Variants in KIT observed in about 807,000 individuals in gnomAD.
KIT encodes the protein KIT proto-oncogene, receptor tyrosine kinase.
KIT carries 16 observed loss-of-function variants against 105.7 expected under a neutral mutation model. The ratio of observed to expected loss-of-function variants is 0.15; its 90% CI spans 0.10 to 0.23. The LOEUF (loss-of-function observed/expected upper bound fraction) is 0.23, where lower values mean the gene tolerates loss of function less well. KIT is among the 10% of genes least tolerant of loss of function. The pLI is 1.00. For missense variants in KIT, 858 were observed against 1,213.8 expected (o/e 0.71, Z 4.36); for synonymous variants, 438 against 441.1 (o/e 0.99, Z 0.09).
At chr4:54,685,586 C>T (rs1047104214) in intron 1 of KIT, among the ~76,000 whole-genome samples, 1 of 152,176 alleles carries the variant, frequency 6.6e-6, no homozygotes, top group Admixed American at 6.5e-5. Flanking sequence ...CACTGTCCTT[C>T]ACTGCTCCCA....
chr4:54,663,411 G>A (rs944322085), intron 1 of KIT, among the ~76,000 whole-genome samples: 2 of 152,120 alleles, frequency 1.3e-5, no homozygotes, highest in Non-Finnish European at 2.9e-5. Context: ...ATAGTGCCCC[G>A]CATAGAGGAA....
intron 1 of KIT, among the ~76,000 whole-genome samples, chr4:54,669,697 C>T (rs1487836763): frequency 7.7e-6 from 1 of 129,262 alleles, no homozygotes; most frequent in Admixed American, 8.2e-5. Context: ...GTCCAGGAGT[C>T]CAGAAAGGAA....
chr4:54,714,446 C>G (rs1721340796), intron 7 of KIT, among the ~76,000 whole-genome samples: 1 of 151,866 alleles, frequency 6.6e-6, no homozygotes, highest in Non-Finnish European at 1.5e-5. Flanking sequence ...CTTTTTTCCC[C>G]ACTCCATCTA....
At position 54,733,067 on chromosome 4, in the gene KIT, T is replaced by C. The variant is rs767542887; in HGVS notation, c.2362-3T>C. 6 of 1,610,742 alleles carry C rather than the reference T, an allele frequency of 3.7e-6. No individual in the cohort carries two copies. The African/African-American group carries it at 5.3e-5, about 14-fold the overall frequency. On this transcript the variant is annotated splice_polypyrimidine_tract_variant and splice_region_variant and intron_variant, in intron 16 of 20. Transcript: ENST00000288135. ...GGTTTTCTTTTCTCCTCCAACCTAATAGTGTATTCACAGAGACTTGGCAGC... is the reference window on the plus strand; with the variant it reads ...GGTTTTCTTTTCTCCTCCAACCTAACAGTGTATTCACAGAGACTTGGCAGC...
rs2109660271 is a variant in KIT, at chr4:54,695,512, G to A, written c.68G>A (p.Gly23Asp). 1.2e-6 allele frequency: 2 copies of A among 1,614,090 alleles called. No individual in the cohort carries two copies. The highest frequency in any genetic ancestry group is 1.7e-6 in the Non-Finnish European group (2 of 1,180,000). The change falls in exon 2 of 21, where the codon GGC becomes GAC. Residue 23 changes from glycine (G) to aspartate (D), a missense_variant and splice_region_variant. Physicochemically the swap from Gly to Asp is moderately conservative, Grantham distance 94. Transcript: ENST00000288135. Reference sequence around the variant, plus strand: ...AACACGATTCTGTTTTTCTTGGCAGGCTCTTCTCAACCATCTGTGAGTCCA... The same window carrying A: ...AACACGATTCTGTTTTTCTTGGCAGACTCTTCTCAACCATCTGTGAGTCCA... ...VLLLLLRVQT[G>D]SSQPSVSPGE...
rs761004820 is a variant in KIT, at chr4:54,737,214, A to G, written c.2736A>G (p.Leu912=). The G allele has an allele frequency of 5.6e-6, 9 of 1,613,624 alleles. No homozygotes were observed. Among genetic ancestry groups the G allele is most frequent in the Non-Finnish European group, 7.6e-6 (9 of 1,179,686 alleles). ...IMKTCWDADP[L]KRPTFKQIVQ... ...AGACTTGCTGGGATGCAGATCCCCT[A>G]AAAAGACCAACATTCAAGCAAATTG... Residue 912 remains leucine, a synonymous_variant, in exon 20 of 21, where the codon CTA becomes CTG. Transcript: ENST00000288135.
At chr4:54,706,927 A>T (rs1720826570) in intron 5 of KIT, among the ~76,000 whole-genome samples, 171 bp from the exon 6 acceptor site, 1 of 152,218 alleles carries the variant, frequency 6.6e-6, no homozygotes, top group Non-Finnish European at 1.5e-5. Flanking sequence ...CACTTGTGAC[A>T]GTGATTCTAC....
intron 1 of KIT, among the ~76,000 whole-genome samples, chr4:54,693,936 A>G (rs1269034992): frequency 3.9e-5 from 6 of 152,068 alleles, no homozygotes; most frequent in Non-Finnish European, 7.4e-5. Flanking sequence ...TCCTTACTGT[A>G]GGTTCTCATT....
intron 7 of KIT, among the ~76,000 whole-genome samples, chr4:54,712,533 G>A (rs997639097): frequency 1.3e-5 from 2 of 152,160 alleles, no homozygotes; most frequent in African/African-American, 4.8e-5. Context: ...CCATTTGCCA[G>A]TGTGTGGTCT....
At chr4:54,667,202 C>A (rs1262168319) in intron 1 of KIT, among the ~76,000 whole-genome samples, 1 of 152,206 alleles carries the variant, frequency 6.6e-6, no homozygotes, top group Non-Finnish European at 1.5e-5. Context: ...TCCATCTGTC[C>A]TTTCCCTCTG....
chr4:54,704,012 A>T (rs1720626591), intron 5 of KIT, 120 bp downstream of exon 5: 1 of 894,586 alleles, frequency 1.1e-6, no homozygotes. Flanking sequence ...GTTATCACTG[A>T]ATGAATGAAA....
rs1194103430 is a variant in KIT, at chr4:54,726,270, G to A, written c.1540+220G>A. On this transcript the variant is annotated intron_variant, in intron 9 of 20. Transcript: ENST00000288135. ...CCATGCTACTTTATATATTTTATAT[G>A]TATGTGTGTCTCTATTAGTTGTATA... 2.0e-5 allele frequency among the ~76,000 whole-genome samples: 3 copies of A among 152,218 alleles called. No homozygotes were observed. The East Asian group carries it at 5.8e-4, about 29-fold the overall frequency.
chr4:54,669,293 C>T (rs1717933479), intron 1 of KIT, among the ~76,000 whole-genome samples: 1 of 151,348 alleles, frequency 6.6e-6, no homozygotes, highest in African/African-American at 2.4e-5. Flanking sequence ...AATGTGTTGC[C>T]CAATTTACAT....
intron 1 of KIT, among the ~76,000 whole-genome samples, chr4:54,670,848 T>C (rs2017472): frequency 0.48 from 73,680 of 151,992 alleles, 18,336 homozygotes; most frequent in African/African-American, 0.58. Context: ...TTCACCACTC[T>C]GTCCATCACT....
rs766264502 is a variant in KIT at position 54,728,032 on chromosome 4, G to A, written c.1901G>A (p.Arg634Gln). Residue 634 changes from arginine to glutamine, a missense_variant, in exon 13 of 21, where the codon CGG (arginine) becomes CAG (glutamine). Around this residue, in one of 7 missense-constraint regions of KIT, gnomAD observed 158 missense variants for 218.7 expected, o/e 0.72. Coordinates refer to ENST00000288135, the MANE Select transcript of KIT (RefSeq NM_000222.3). ...TTAGCGAGTGCCCATTTGACAGAAC[G>A]GGAAGCCCTCATGTCTGAACTCAAA... is the stretch of plus-strand genomic sequence containing the variant. ...MLKPSAHLTE[R>Q]EALMSELKVL... 6.2e-6 allele frequency: 10 copies of A among 1,613,916 alleles called. No individual in the cohort carries two copies. Among genetic ancestry groups the A allele is most frequent in the Middle Eastern group, 1.6e-4 (1 of 6,084 alleles).
intron 11 of KIT, 123 bp downstream of exon 11, chr4:54,727,665 C>G (rs1028308785): frequency 7.9e-6 from 11 of 1,397,986 alleles, no homozygotes; most frequent in Non-Finnish European, 1.0e-5. Context: ...TGTGAAATTG[C>G]GCCCCTTTTG....
chr4:54,690,438 A>G (rs1164657225), intron 1 of KIT, among the ~76,000 whole-genome samples: 1 of 152,236 alleles, frequency 6.6e-6, no homozygotes, highest in Non-Finnish European at 1.5e-5. Flanking sequence ...CTTACCAAGT[A>G]GCTGGGATAA....
chr4:54,731,064 C>T (rs748311999), intron 14 of KIT, among the ~76,000 whole-genome samples: 10 of 152,158 alleles, frequency 6.6e-5, no homozygotes, highest in Middle Eastern at 3.4e-3. Flanking sequence ...TGTCAAGAGA[C>T]GGGAAATTTC....
At chr4:54,710,830 C>T (rs56045458) in intron 7 of KIT, among the ~76,000 whole-genome samples, 3,889 of 152,168 alleles carry the variant, frequency 0.026, 91 homozygotes, top group Non-Finnish European at 0.033. Context: ...CATGAGCCAC[C>T]GCGCCCAGCT....
Sources: allele counts gnomAD v4.1 joint callset (sites outside exome capture counted in the v4.1 genomes callset), GRCh38; gene constraint gnomAD v4.1.1; regional missense constraint gnomAD v4.1.1; transcripts MANE v1.5; gene names NCBI Gene and HGNC (gene_info 2026-07-23, HGNC 2026-07-21).